AMY2B: variants seen among roughly 807,000 people sequenced by gnomAD.
The protein encoded by AMY2B is alpha-amylase 2B.
In AMY2B, 63 loss-of-function variants were observed where a neutral mutation model predicts 59.3. The ratio of observed to expected loss-of-function variants is 1.06; its 90% confidence interval spans 0.87 to 1.31. AMY2B has a LOEUF of 1.31. Ranked by LOEUF, AMY2B falls within the 50% of genes most tolerant of loss-of-function variation. The pLI is 0.00. For missense variants in AMY2B, 635 were observed against 626.7 expected, an observed-to-expected ratio of 1.01 and a Z score of -0.14; for synonymous variants, 180 against 198.1, an observed-to-expected ratio of 0.91 and a Z score of 0.77.
chr1:103,563,767 T>C (rs1213379096), intron 1 of AMY2B, among the ~76,000 whole-genome samples: 1 of 152,166 alleles, frequency 6.6e-6, no homozygotes, highest in Non-Finnish European at 1.5e-5. Context: ...CAGAGTTCAT[T>C]GATCTGGCAT....
At chr1:103,574,637 AT>A (rs1163912796) in intron 5 of AMY2B, among the ~76,000 whole-genome samples, 4 of 152,162 alleles carry the variant, frequency 2.6e-5, no homozygotes, top group Non-Finnish European at 4.4e-5. Flanking sequence ...TACGAGATGA[AT>A]ATACTGGATT....
chr1:103,560,097 T>C (rs1233347171), intron 1 of AMY2B, among the ~76,000 whole-genome samples: 2 of 152,176 alleles, frequency 1.3e-5, no homozygotes, highest in Non-Finnish European at 2.9e-5. Context: ...TGACTGTATA[T>C]AGACAATTAA....
intron 3 of AMY2B, 107 bp from the exon 4 acceptor site, chr1:103,573,601 A>G (rs765625297): frequency 5.3e-6 from 8 of 1,513,348 alleles, no homozygotes; most frequent in South Asian, 1.2e-5. Context: ...CAAGGAAGTC[A>G]CTATAGAATA....
Position 103,561,526 on chromosome 1 carries a change from T to G in AMY2B, c.-206-3909T>G, listed in dbSNP as rs989059746. Reference sequence around the variant, plus strand: ...TTTGATTTAGTGACACTGCTTACATTCTAGTCTCATTTAACTAATTTAACC... The same window carrying G: ...TTTGATTTAGTGACACTGCTTACATGCTAGTCTCATTTAACTAATTTAACC... On this transcript the variant is annotated intron_variant, in intron 1 of 11. Coordinates refer to the AMY2B transcript ENST00000361355. 3.6e-4 allele frequency among the ~76,000 whole-genome samples: 55 copies of G among 152,154 alleles called. 1 individual carries two copies. The highest frequency in any genetic ancestry group is 6.2e-4 in the South Asian group (3 of 4,834).
At chr1:103,567,848 T>C (rs754734991), upstream of AMY2B, among the ~76,000 whole-genome samples, 4 of 152,176 alleles carry the variant, frequency 2.6e-5, no homozygotes, top group Non-Finnish European at 5.9e-5. Context: ...ATGTGTCTTA[T>C]GTACTAGCTT....
chr1:103,577,444 G>A (rs756581423), intron 7 of AMY2B, 46 bp from the exon 8 acceptor site: 10 of 1,611,460 alleles, frequency 6.2e-6, no homozygotes, highest in Non-Finnish European at 8.5e-6. Flanking sequence ...GAAGGAAGAG[G>A]TAAATATATG....
At chr1:103,570,327 C>T (rs780040606), upstream of AMY2B, 52 of 653,922 alleles carry the variant, frequency 8.0e-5, no homozygotes, top group Non-Finnish European at 1.1e-4. Flanking sequence ...TGTCCCGAGA[C>T]GCTGTTCCAG....
At chr1:103,572,345 C>A in intron 2 of AMY2B, 89 bp downstream of exon 2, 2 of 1,532,048 alleles carry the variant, frequency 1.3e-6, no homozygotes, top group Middle Eastern at 2.5e-4. Flanking sequence ...AGAAAGTTTT[C>A]CATATTTTAT....
chr1:103,559,180 C>T (rs1347833937), intron 1 of AMY2B, among the ~76,000 whole-genome samples: 1 of 152,094 alleles, frequency 6.6e-6, no homozygotes, highest in Non-Finnish European at 1.5e-5. Flanking sequence ...TGAATACAGT[C>T]GTGCACCGCA....
intron 5 of AMY2B, 93 bp from the exon 6 acceptor site, chr1:103,575,130 A>T (rs1410870699): frequency 2.5e-5 from 40 of 1,571,888 alleles, no homozygotes; most frequent in Non-Finnish European, 3.5e-5. Context: ...TAATCTTCAG[A>T]TGCCATGCCA....
rs113258674 is a variant in AMY2B, at chr1:103,577,888, C to T, written c.1346+43C>T. The T allele has an allele frequency of 6.3e-6, 10 of 1,593,082 alleles. No homozygotes were observed. The African/African-American group carries it at 6.7e-5, about 11-fold the overall frequency. The stretch of plus-strand genomic sequence containing the variant: ...AAAAATAATATTTTGTACCTGTATG[C>T]TCTTGGTTTATTCCTTTTTTTCTGT... On this transcript the variant is annotated intron_variant, in intron 9 of 9. Coordinates refer to ENST00000684275, the MANE Select transcript of AMY2B (RefSeq NM_001387437.1).
chr1:103,557,736 TGAATATCCAAAA>T (rs1303622995), intron 1 of AMY2B, among the ~76,000 whole-genome samples: 1 of 152,172 alleles, frequency 6.6e-6, no homozygotes, highest in Non-Finnish European at 1.5e-5. Context: ...CCGTGATCTT[TGAATATCCAAAA>T]TTTAAGAAGA....
upstream of AMY2B, chr1:103,569,692 G>A: frequency 1.0e-5 from 4 of 394,864 alleles, no homozygotes; most frequent in South Asian, 6.3e-5. Context: ...GGTGGGCATG[G>A]GCCAGAGGGA....
In AMY2B at chr1:103,562,690, T is replaced by TG. The variant is rs34459366; in HGVS notation, c.-206-2744dup. Among the ~76,000 whole-genome samples the TG allele has an allele frequency of 4.1e-5, 6 of 146,494 alleles. No homozygotes were observed. In the East Asian group the frequency reaches 1.2e-3, roughly 28 times the overall value. Reference sequence around the variant, plus strand: ...AACTTGTCTTTTTTTTTTTTTTTTTTGTCAATGTTAATTCATTTGCATGTT... The same window carrying TG: ...AACTTGTCTTTTTTTTTTTTTTTTTTGGTCAATGTTAATTCATTTGCATGTT... On this transcript the variant is annotated intron_variant, in intron 1 of 11. Transcript: ENST00000361355.
At chr1:103,556,364 AAG>A (rs1162696065) in intron 1 of AMY2B, among the ~76,000 whole-genome samples, 1 of 152,180 alleles carries the variant, frequency 6.6e-6, no homozygotes, top group Non-Finnish European at 1.5e-5. Flanking sequence ...AAGATAATAA[AAG>A]AGAGATATGG....
rs1434081583 is a variant in AMY2B, at chr1:103,579,399, G to A, written c.1435G>A (p.Gly479Ser). The A allele has an allele frequency of 2.5e-6, 4 of 1,611,618 alleles. No homozygotes were observed. Among genetic ancestry groups the A allele is most frequent in the Non-Finnish European group, 3.4e-6 (4 of 1,179,718 alleles). ...AGATAAAATTAATGGCAATTGCACA[G>A]GCATTAAAATCTACGTTTCTGACGA... The part of the protein sequence containing the change: ...SGDKINGNCT[G>S]IKIYVSDDGK... Residue 479 changes from glycine (G) to serine (S), a missense_variant, in exon 10 of 10, where the codon GGC (glycine) becomes AGC (serine). Physicochemically the swap from Gly to Ser is moderately conservative, Grantham distance 56. Coordinates refer to ENST00000684275, the MANE Select transcript of AMY2B (RefSeq NM_001387437.1).
intron 1 of AMY2B, among the ~76,000 whole-genome samples, chr1:103,559,453 A>G (rs886756133): frequency 4.6e-5 from 7 of 152,200 alleles, no homozygotes; most frequent in African/African-American, 7.2e-5. Context: ...TAAGCAATGC[A>G]TGACTGTAGT....
At chr1:103,570,894 T>C (rs1652102521), upstream of AMY2B, 1 of 362,126 alleles carries the variant, frequency 2.8e-6, no homozygotes, top group African/African-American at 2.1e-5. Context: ...CCTTGGTATC[T>C]GTACATATCT....
At chr1:103,558,196 C>T (rs1330256446) in intron 1 of AMY2B, among the ~76,000 whole-genome samples, 1 of 152,108 alleles carries the variant, frequency 6.6e-6, no homozygotes, top group African/African-American at 2.4e-5. Flanking sequence ...TGGGGAGTTC[C>T]CGATTGCTAA....
Sources: allele counts gnomAD v4.1 joint callset (sites outside exome capture counted in the v4.1 genomes callset), GRCh38; gene constraint gnomAD v4.1.1; transcripts MANE v1.5; gene names NCBI Gene and HGNC (gene_info 2026-07-23, HGNC 2026-07-21).